The following WWOX variants were observed in gnomAD, a reference collection of about 807,000 sequenced individuals.
WWOX encodes WW domain containing oxidoreductase.
In WWOX, 69 loss-of-function variants were observed where a neutral mutation model predicts 46.2. That is an observed-to-expected ratio of 1.49 (90% CI 1.23 to 1.82). The LOEUF is 1.82. WWOX is among the 40% of genes most tolerant of loss of function. The probability of loss-of-function intolerance (pLI) is 0.00; values close to 1 mark genes in which losing one functional copy is unlikely to be tolerated. For missense variants in WWOX, 919 were observed against 542.6 expected (o/e 1.69, Z -6.89); for synonymous variants, 359 against 202.6 (o/e 1.77, Z -6.56).
chr16:78,649,575 C>T (rs1323110310), intron 8 of WWOX, among the ~76,000 whole-genome samples: 1 of 152,226 alleles, frequency 6.6e-6, no homozygotes, highest in Non-Finnish European at 1.5e-5. Context: ...CTTCCCCAGG[C>T]TCTTCCCCCG....
intron 5 of WWOX, among the ~76,000 whole-genome samples, chr16:78,358,424 G>A (rs1442386288): frequency 6.6e-6 from 1 of 152,188 alleles, no homozygotes; most frequent in Non-Finnish European, 1.5e-5. Flanking sequence ...TTGGGAGGCT[G>A]AGGTGGGCAG....
At chr16:78,412,495 T>G (rs1313525999) in intron 6 of WWOX, among the ~76,000 whole-genome samples, 1 of 151,974 alleles carries the variant, frequency 6.6e-6, no homozygotes, top group African/African-American at 2.4e-5. Flanking sequence ...CAGGGAAGAT[T>G]TTAGAGATGG....
intron 8 of WWOX, among the ~76,000 whole-genome samples, chr16:78,593,577 A>C (rs1463327743): frequency 6.6e-6 from 1 of 152,232 alleles, no homozygotes; most frequent in African/African-American, 2.4e-5. Context: ...ATATCAAACC[A>C]GGACAGTCCA....
At chr16:78,859,710 G>T (rs1311645352) in intron 8 of WWOX, among the ~76,000 whole-genome samples, 1 of 152,076 alleles carries the variant, frequency 6.6e-6, no homozygotes, top group Non-Finnish European at 1.5e-5. Flanking sequence ...TAGCCTTCTG[G>T]GTTAGAGGAT....
At chr16:78,113,866 T>C (rs925659166) in intron 3 of WWOX, among the ~76,000 whole-genome samples, 5 of 152,048 alleles carry the variant, frequency 3.3e-5, no homozygotes, top group Non-Finnish European at 4.4e-5. Flanking sequence ...AGAATAAAGG[T>C]TGGATTATTA....
intron 8 of WWOX, among the ~76,000 whole-genome samples, chr16:79,039,801 T>G (rs2047937258): frequency 6.6e-6 from 1 of 152,172 alleles, no homozygotes; most frequent in Non-Finnish European, 1.5e-5. Flanking sequence ...TCTGAACCTT[T>G]TTGCGTGCTC....
intron 8 of WWOX, among the ~76,000 whole-genome samples, chr16:79,038,443 G>A (rs1208993107): frequency 6.6e-6 from 1 of 151,956 alleles, no homozygotes; most frequent in Non-Finnish European, 1.5e-5. Context: ...CCCTAGACAT[G>A]CACAGAAAAA....
chr16:78,419,625 CAAAAAAA>C (rs60762734), intron 6 of WWOX, among the ~76,000 whole-genome samples: 50 of 44,694 alleles, frequency 1.1e-3, no homozygotes, highest in Non-Finnish European at 1.6e-3. Context: ...CAAAAAATAG[CAAAAAAA>C]AAAAAAAAAA....
chr16:78,467,581 A>G (rs1047516265), intron 8 of WWOX, among the ~76,000 whole-genome samples: 4 of 152,240 alleles, frequency 2.6e-5, no homozygotes, highest in Admixed American at 6.5e-5. Context: ...AATGACTTTG[A>G]AAACTCGGGG....
intron 8 of WWOX, among the ~76,000 whole-genome samples, chr16:78,775,445 G>A (rs1567551611): frequency 6.6e-6 from 1 of 152,042 alleles, no homozygotes; most frequent in Non-Finnish European, 1.5e-5. Context: ...TCTACTCCAA[G>A]AACTGAGATA....
In WWOX at chr16:78,457,109, C is replaced by G. The variant is rs370523200; in HGVS notation, c.1056+24357C>G. ...TGCCGTTAAGGGAATTGGCAGTGTT[C>G]AGACAGAATGGTAACATTCTCTCTG... On this transcript the variant is annotated intron_variant, in intron 8 of 8. Transcript: ENST00000566780. Among the ~76,000 whole-genome samples, 11 of 152,308 alleles carry G rather than the reference C, an allele frequency of 7.2e-5. No individual in the cohort carries two copies. In the South Asian group the frequency reaches 2.3e-3, roughly 32 times the overall value.
Position 79,030,219 on chromosome 16 carries a change from T to G in WWOX, c.1057-181389T>G, listed in dbSNP as rs181787631. Among the ~76,000 whole-genome samples the G allele has an allele frequency of 1.4e-4, 22 of 152,372 alleles. No individual in the cohort carries two copies. The East Asian group carries it at 4.2e-3, about 29-fold the overall frequency. ...TGTCTGTTAGGACATTGTAATTATT[T>G]TGTATTACTTAGGAAAACTTTTATG... On this transcript the variant is annotated intron_variant, in intron 8 of 8. Coordinates refer to ENST00000566780, the MANE Select transcript of WWOX (RefSeq NM_016373.4).
chr16:78,505,877 T>C (rs1413448982), intron 8 of WWOX, among the ~76,000 whole-genome samples: 2 of 152,144 alleles, frequency 1.3e-5, no homozygotes, highest in Non-Finnish European at 2.9e-5. Flanking sequence ...TGGAGGAAGA[T>C]TCGGCCTTTC....
chr16:78,506,114 G>A (rs1262398414), intron 8 of WWOX, among the ~76,000 whole-genome samples: 1 of 151,732 alleles, frequency 6.6e-6, no homozygotes, highest in Non-Finnish European at 1.5e-5. Flanking sequence ...CCTGGAGAAG[G>A]GGAGGACAGG....
chr16:78,653,940 TTTCACA>T (rs1482027912), intron 8 of WWOX, among the ~76,000 whole-genome samples: 1 of 152,182 alleles, frequency 6.6e-6, no homozygotes, highest in African/African-American at 2.4e-5. Context: ...CGTCTTCACA[TTTCACA>T]CTGCAGATAT....
chr16:79,168,778 C>G (rs1376217399), intron 8 of WWOX, among the ~76,000 whole-genome samples: 1 of 152,110 alleles, frequency 6.6e-6, no homozygotes, highest in Non-Finnish European at 1.5e-5. Context: ...TCCCAAGATC[C>G]CGGAGCTTGT....
At chr16:78,776,327 C>T (rs910687537) in intron 8 of WWOX, among the ~76,000 whole-genome samples, 4 of 152,050 alleles carry the variant, frequency 2.6e-5, no homozygotes, top group Admixed American at 6.6e-5. Flanking sequence ...GGGATAGGAC[C>T]TTGGCATCTC....
intron 8 of WWOX, among the ~76,000 whole-genome samples, chr16:78,488,092 G>A (rs1451693308): frequency 6.6e-6 from 1 of 152,186 alleles, no homozygotes; most frequent in East Asian, 1.9e-4. Flanking sequence ...GAGCTGTGGA[G>A]CAGGGAGGGA....
intron 6 of WWOX, among the ~76,000 whole-genome samples, chr16:78,405,149 G>A (rs1035886161): frequency 2.6e-5 from 4 of 152,148 alleles, no homozygotes; most frequent in Non-Finnish European, 5.9e-5. Flanking sequence ...ACAAAAACAA[G>A]AGTATTTCCA....
Sources: allele counts gnomAD v4.1 joint callset (sites outside exome capture counted in the v4.1 genomes callset), GRCh38; gene constraint gnomAD v4.1.1; transcripts MANE v1.5; gene names NCBI Gene and HGNC (gene_info 2026-07-23, HGNC 2026-07-21).